SERPINA3: variants seen among roughly 807,000 people sequenced by gnomAD.
The protein encoded by SERPINA3 is serpin family A member 3.
SERPINA3 carries 32 observed loss-of-function variants against 26.8 expected under a neutral mutation model. The observed-to-expected ratio is 1.20, with a 90% confidence interval of 0.90 to 1.61. SERPINA3 has a LOEUF of 1.61. Ranked by LOEUF, SERPINA3 falls within the 40% of genes most tolerant of loss-of-function variation. SERPINA3 has a pLI of 0.00. For missense variants in SERPINA3, 632 were observed against 517.9 expected, an observed-to-expected ratio of 1.22 and a Z score of -2.14; for synonymous variants, 252 against 206.4, an observed-to-expected ratio of 1.22 and a Z score of -1.89.
At chr14:94,615,392 A>G (rs1595094964) in intron 2 of SERPINA3, 3 of 494,860 alleles carry the variant, frequency 6.1e-6, no homozygotes, top group African/African-American at 3.9e-5. Context: ...CTCCTTTCAA[A>G]CCACTCCAGG....
At chr14:94,618,570 G>A (rs957672334) in intron 2 of SERPINA3, 6 of 165,320 alleles carry the variant, frequency 3.6e-5, no homozygotes, top group Non-Finnish European at 2.7e-5. Flanking sequence ...GTCCAACACC[G>A]CTATCCTCTA....
chr14:94,618,471 C>T (rs945184514), intron 2 of SERPINA3: 1 of 152,810 alleles, frequency 6.5e-6, no homozygotes, highest in Non-Finnish European at 1.5e-5. Flanking sequence ...GAATCCAGGG[C>T]AAATCTTAGC....
At position 94,614,424 on chromosome 14, in the gene SERPINA3, T is replaced by A; in HGVS notation, c.-8-10T>A. 1 of 1,612,088 alleles carries A rather than the reference T, an allele frequency of 6.2e-7. No individual in the cohort carries two copies. The highest frequency in any genetic ancestry group is 2.2e-5 in the East Asian group (1 of 44,856). ...GGCCCTCTGAGACTTAAAGGAGCTT[T>A]GCTTTTCAGAGTTGAGAATGGAGAG... On this transcript the variant is annotated splice_polypyrimidine_tract_variant and intron_variant, in intron 1 of 4. Transcript: ENST00000393078.
chr14:94,614,722 C>A lies in SERPINA3; in HGVS notation c.281C>A (p.Thr94Asn). The A allele has an allele frequency of 1.9e-6, 3 of 1,614,164 alleles. No homozygotes were observed. The highest frequency in any genetic ancestry group is 2.5e-6 in the Non-Finnish European group (3 of 1,180,024). Residue 94 changes from threonine to asparagine, a missense_variant, in exon 2 of 5, where the codon ACC becomes AAC. Coordinates refer to ENST00000393078, the MANE Select transcript of SERPINA3 (RefSeq NM_001085.5). ...TTCCTGTCTCTGGGGGCCCATAATA[C>A]CACCCTGACAGAGATTCTCAAAGGC... ...LAFLSLGAHN[T>N]TLTEILKGLK...
At position 94,615,683 on chromosome 14, in the gene SERPINA3, G is replaced by C. The variant is rs538469938; in HGVS notation, c.643+599G>C. Reference sequence around the variant, plus strand: ...ATGTCACTGACACATAACAAATGAGGGCAGAAATGGCATTGTTCCCATCTG... The same window carrying C: ...ATGTCACTGACACATAACAAATGAGCGCAGAAATGGCATTGTTCCCATCTG... On this transcript the variant is annotated intron_variant, in intron 2 of 4. Coordinates refer to ENST00000393078, the MANE Select transcript of SERPINA3 (RefSeq NM_001085.5). 1.1e-4 allele frequency among the ~76,000 whole-genome samples: 17 copies of C among 152,334 alleles called. No homozygotes were observed. In the South Asian group the frequency reaches 3.5e-3, roughly 32 times the overall value.
In SERPINA3 at chr14:94,623,959, G is replaced by T; in HGVS notation, c.*145G>T. On this transcript the variant is annotated 3_prime_UTR_variant, in exon 5 of 5. Transcript: ENST00000393078. The stretch of plus-strand genomic sequence containing the variant: ...CTGCTTATCCTTGGAAGGTGACAGC[G>T]ATTCCCTGTGTAGCTCTCACATGCA... The T allele has an allele frequency of 4.0e-6, 3 of 757,324 alleles. No homozygotes were observed. The highest frequency in any genetic ancestry group is 2.9e-5 in the South Asian group (2 of 69,204). 46.9% of individuals were successfully genotyped at this position (757,324 alleles called of 1,614,324 possible).
chr14:94,618,329 G>A (rs1308703881), intron 2 of SERPINA3: 1 of 152,086 alleles, frequency 6.6e-6, no homozygotes, highest in African/African-American at 2.4e-5. Context: ...TAGGAGTCAG[G>A]CTGCATTTCA....
chr14:94,615,381 T>C, intron 2 of SERPINA3: 1 of 507,840 alleles, frequency 2.0e-6, no homozygotes, highest in East Asian at 4.7e-5. Flanking sequence ...AAGAAGGAGC[T>C]CTCCTTTCAA....
intron 3 of SERPINA3, among the ~76,000 whole-genome samples, 198 bp from the exon 4 acceptor site, chr14:94,622,143 A>C (rs1886222936): frequency 6.6e-6 from 1 of 152,172 alleles, no homozygotes; most frequent in Non-Finnish European, 1.5e-5. Flanking sequence ...GGAGACTTTC[A>C]CACTTGCAGA....
At chr14:94,618,168 TGAG>T (rs1334439663) in intron 2 of SERPINA3, 1 of 152,214 alleles carries the variant, frequency 6.6e-6, no homozygotes, top group Admixed American at 6.5e-5. Context: ...TAGTTTCTGA[TGAG>T]AAGTCTGCTG....
chr14:94,622,509 G>A lies in SERPINA3; in HGVS notation c.1068+18G>A. ...TCTCCCAGGTGAGTCTTTAGACTTGGGTCAATTCATCCTTTGTATCCGAAC... is the reference window on the plus strand; with the variant it reads ...TCTCCCAGGTGAGTCTTTAGACTTGAGTCAATTCATCCTTTGTATCCGAAC... On this transcript the variant is annotated intron_variant, in intron 4 of 4. Transcript: ENST00000393078. 1.2e-6 allele frequency: 2 copies of A among 1,613,680 alleles called. No individual in the cohort carries two copies. Among genetic ancestry groups the A allele is most frequent in the South Asian group, 1.1e-5 (1 of 91,040 alleles).
rs561667462 is a variant in SERPINA3 at position 94,622,974 on chromosome 14, C to T, written c.1068+483C>T. ...GCCTGTGTTACTAAAAGCAGAGGCG[C>T]CAAGGCAGGGTGGCCATGCAGCCTT... On this transcript the variant is annotated intron_variant, in intron 4 of 4. Coordinates refer to ENST00000393078, the MANE Select transcript of SERPINA3 (RefSeq NM_001085.5). Among the ~76,000 whole-genome samples the T allele has an allele frequency of 2.0e-5, 3 of 152,340 alleles. No individual in the cohort carries two copies. The South Asian group carries it at 6.2e-4, about 32-fold the overall frequency.
chr14:94,620,987 CCCT>C (rs1886181688), intron 3 of SERPINA3, among the ~76,000 whole-genome samples: 1 of 152,102 alleles, frequency 6.6e-6, no homozygotes, highest in Non-Finnish European at 1.5e-5. Context: ...TCCCCACCAC[CCCT>C]GTTTTCACTG....
At chr14:94,617,769 T>C (rs961672159) in intron 2 of SERPINA3, 3 of 152,216 alleles carry the variant, frequency 2.0e-5, no homozygotes, top group Admixed American at 6.5e-5. Flanking sequence ...TGAAAGATTG[T>C]GGAGCCCACA....
At chr14:94,614,300 C>T (rs1478399316) in intron 1 of SERPINA3, 134 bp from the exon 2 acceptor site, 1 of 833,218 alleles carries the variant, frequency 1.2e-6, no homozygotes, top group Non-Finnish European at 2.0e-6. Flanking sequence ...CCAGAGAGCA[C>T]CTACCTGAGG....
Position 94,614,956 on chromosome 14 carries a change from A to G in SERPINA3, c.515A>G (p.Asp172Gly), listed in dbSNP as rs1401116608. Reference sequence around the variant, plus strand: ...GAGGCCTTTGCCACTGACTTTCAGGACTCAGCTGCAGCTAAGAAGCTCATC... The same window carrying G: ...GAGGCCTTTGCCACTGACTTTCAGGGCTCAGCTGCAGCTAAGAAGCTCATC... ...GSEAFATDFQ[D>G]SAAAKKLIND... The change falls in exon 2 of 5, where the codon GAC becomes GGC. Residue 172 changes from aspartate to glycine, a missense_variant. Asp to Gly is a moderately conservative substitution (Grantham distance 94, BLOSUM62 -1). Transcript: ENST00000393078. 1 of 1,613,286 alleles carries G rather than the reference A, an allele frequency of 6.2e-7. No individual in the cohort carries two copies. The highest frequency in any genetic ancestry group is 2.2e-5 in the East Asian group (1 of 44,860).
chr14:94,614,861 C>G lies in SERPINA3; in HGVS notation c.420C>G (p.Ala140=). ...AGCTGCAGCTGAGTATGGGAAATGC[C>G]ATGTTTGTCAAAGAGCAACTCAGTC... The part of the protein sequence containing the change: ...SDELQLSMGN[A]MFVKEQLSLL... Residue 140 remains alanine, a synonymous_variant, in exon 2 of 5, where the codon GCC becomes GCG. Transcript: ENST00000393078. 4 of 1,614,172 alleles carry G rather than the reference C, an allele frequency of 2.5e-6. No homozygotes were observed. Among genetic ancestry groups the G allele is most frequent in the Non-Finnish European group, 3.4e-6 (4 of 1,180,044 alleles).
intron 2 of SERPINA3, among the ~76,000 whole-genome samples, chr14:94,617,355 T>C (rs1263983354): frequency 6.6e-6 from 1 of 152,172 alleles, no homozygotes; most frequent in Non-Finnish European, 1.5e-5. Context: ...TGGACAGTTA[T>C]TTTGGTCCTA....
intron 1 of SERPINA3, chr14:94,614,147 G>C: frequency 2.3e-6 from 1 of 429,910 alleles, no homozygotes; most frequent in Non-Finnish European, 4.3e-6. Context: ...CTGCCCACTG[G>C]GCTCCTTTAC....
Sources: gnomAD v4.1 joint callset for allele counts (sites outside exome capture counted in the v4.1 genomes callset) on GRCh38, gnomAD v4.1.1 for gene constraint, MANE v1.5 for transcripts, NCBI Gene and HGNC (gene_info 2026-07-23, HGNC 2026-07-21) for gene names.